The following PHKG2 variants were observed in gnomAD, a reference collection of about 807,000 sequenced individuals.
PHKG2 encodes phosphorylase kinase catalytic subunit gamma 2, also known as phosphorylase b kinase gamma catalytic chain, liver/testis isoform.
Under a neutral mutation model 44.5 loss-of-function variants are expected in PHKG2, and 28 were observed. The observed-to-expected ratio is 0.63, with a 90% CI of 0.47 to 0.86. The LOEUF is 0.86. PHKG2 is among the 40% of genes least tolerant of loss of function. The probability of loss-of-function intolerance (pLI) is 0.00; values close to 1 mark genes in which losing one functional copy is unlikely to be tolerated. For missense variants in PHKG2, 498 were observed against 547.5 expected, an observed-to-expected ratio of 0.91 and a Z score of 0.90; for synonymous variants, 220 against 211.2, an observed-to-expected ratio of 1.04 and a Z score of -0.36.
At chr16:30,752,965 C>G (rs2053371141) in intron 4 of PHKG2, 3 of 532,524 alleles carry the variant, frequency 5.6e-6, no homozygotes, top group South Asian at 2.1e-5. Flanking sequence ...TAGTTACTCT[C>G]AACAAGAACC....
In PHKG2 at chr16:30,756,528, G is replaced by C; in HGVS notation, c.801+8G>C. The C allele has an allele frequency of 6.2e-7, 1 of 1,612,760 alleles. No homozygotes were observed. Among genetic ancestry groups the C allele is most frequent in the African/African-American group, 1.3e-5 (1 of 75,016 alleles). On this transcript the variant is annotated splice_region_variant and intron_variant, in intron 8 of 9. Transcript: ENST00000563588. ...AGCACTGTCAAAGACCTGGTGAGCG[G>C]GGGCTGAGAGGACAGTAGGGGAGGC...
chr16:30,748,481 G>GC lies in PHKG2; in HGVS notation c.-23dup, dbSNP rs1317118951. On this transcript the variant is annotated 5_prime_UTR_variant, in exon 1 of 10. Coordinates refer to ENST00000563588, the MANE Select transcript of PHKG2 (RefSeq NM_000294.3). ...CGCGTCGACCCTGGCTCCTCTGCCTGCCCCCTCAGGTGAGCCTGCGCTAGA... is the reference window on the plus strand; with the variant it reads ...CGCGTCGACCCTGGCTCCTCTGCCTGCCCCCCTCAGGTGAGCCTGCGCTAGA... The GC allele has an allele frequency of 8.1e-6, 3 of 372,466 alleles. No homozygotes were observed. Among genetic ancestry groups the GC allele is most frequent in the Non-Finnish European group, 1.5e-5 (3 of 202,962 alleles). 23.1% of individuals were successfully genotyped at this position (372,466 alleles called of 1,614,324 possible).
At position 30,757,401 on chromosome 16, in the gene PHKG2, G is replaced by T. The variant is rs1020248195; in HGVS notation, c.*304G>T. The T allele has an allele frequency of 2.6e-5, 41 of 1,553,090 alleles. No individual in the cohort carries two copies. Among genetic ancestry groups the T allele is most frequent in the Non-Finnish European group, 3.5e-5 (40 of 1,149,624 alleles). The stretch of plus-strand genomic sequence containing the variant: ...GTGTCTGTCTGGCTTGGGCAGGAAA[G>T]CCCAGAAGGTGCTCAGCAGGGTGCA... On this transcript the variant is annotated 3_prime_UTR_variant, in exon 10 of 10. Transcript: ENST00000563588.
chr16:30,753,518 G>C lies in PHKG2; in HGVS notation c.517G>C (p.Gly173Arg), dbSNP rs779998350. The C allele has an allele frequency of 2.5e-6, 4 of 1,614,090 alleles. No homozygotes were observed. The highest frequency in any genetic ancestry group is 3.4e-6 in the Non-Finnish European group (4 of 1,180,020). The change falls in exon 6 of 10, where the codon GGG becomes CGG. Residue 173 changes from glycine (G) to arginine (R), a missense_variant. Physicochemically the swap from Gly to Arg is moderately radical, Grantham distance 125. Transcript: ENST00000563588. The part of the protein sequence containing the change: ...DNMQIRLSDF[G>R]FSCHLEPGEK... ...TATGCAGATCCGACTTTCAGATTTC[G>C]GGTTCTCCTGCCACTTGGAACCTGG...
chr16:30,761,066 C>T lies in PHKG2; in HGVS notation c.*3969C>T. ...AGAGGCTGGAAAGCCAACTTCCAGT[C>T]ACCTGGAGTAATTGCATCTCCAGGC... On this transcript the variant is annotated 3_prime_UTR_variant, in exon 10 of 10. Coordinates refer to ENST00000563588, the MANE Select transcript of PHKG2 (RefSeq NM_000294.3). 9.6e-7 allele frequency: 1 copy of T among 1,038,042 alleles called. No homozygotes were observed. The highest frequency in any genetic ancestry group is 1.6e-5 in the African/African-American group (1 of 62,426). 64.3% of individuals were successfully genotyped at this position (1,038,042 alleles called of 1,614,324 possible).
intron 6 of PHKG2, chr16:30,755,109 G>A: frequency 3.0e-6 from 1 of 334,288 alleles, no homozygotes; most frequent in South Asian, 2.3e-5. Flanking sequence ...AAGCGTGGTG[G>A]CACGCATCTG....
At chr16:30,751,028 T>G in intron 2 of PHKG2, 78 bp from the exon 3 acceptor site, 9 of 1,445,192 alleles carry the variant, frequency 6.2e-6, no homozygotes, top group African/African-American at 1.4e-5. Context: ...ACAGCGGGCA[T>G]GAGGATGCTG....
chr16:30,749,252 GTGGTGC>G (rs2053312377), intron 2 of PHKG2, among the ~76,000 whole-genome samples: 1 of 121,984 alleles, frequency 8.2e-6, no homozygotes, highest in African/African-American at 3.2e-5. Flanking sequence ...GCTGGTGCTG[GTGGTGC>G]TGGTGGTGGT....
In PHKG2 at chr16:30,759,395, C is replaced by T. The variant is rs1478852952; in HGVS notation, c.*2298C>T. On this transcript the variant is annotated 3_prime_UTR_variant, in exon 10 of 10. Transcript: ENST00000563588. ...TTGAAGTGGCGGAAGTAAGTGTTGACCACGTAGTCTTCCAAGGCCAGCAGC... is the reference window on the plus strand; with the variant it reads ...TTGAAGTGGCGGAAGTAAGTGTTGATCACGTAGTCTTCCAAGGCCAGCAGC... The T allele has an allele frequency of 1.9e-6, 3 of 1,614,214 alleles. No homozygotes were observed. Among genetic ancestry groups the T allele is most frequent in the Non-Finnish European group, 2.5e-6 (3 of 1,180,030 alleles).
chr16:30,755,676 C>CA (rs1233726156), intron 6 of PHKG2, among the ~76,000 whole-genome samples: 42 of 145,412 alleles, frequency 2.9e-4, no homozygotes, highest in East Asian at 2.8e-3. Flanking sequence ...ACTCCATCTC[C>CA]AAAAAAAAAA....
chr16:30,760,454 C>G lies in PHKG2; in HGVS notation c.*3357C>G. 1 of 1,613,984 alleles carries G rather than the reference C, an allele frequency of 6.2e-7. No individual in the cohort carries two copies. The highest frequency in any genetic ancestry group is 8.5e-7 in the Non-Finnish European group (1 of 1,179,926). On this transcript the variant is annotated 3_prime_UTR_variant, in exon 10 of 10. Coordinates refer to ENST00000563588, the MANE Select transcript of PHKG2 (RefSeq NM_000294.3). ...TAGCTCCAGCAGCTCAGCCAGCACC[C>G]TTGGGAGGGAGAGAGGAGTGAGTGA...
rs761535736 is a variant in PHKG2 at position 30,756,423 on chromosome 16, A to G, written c.704A>G (p.His235Arg). ...CTGGCTGGCTCGCCACCCTTCTGGC[A>G]CCGGCGGCAGATCCTGATGTTACGC... ...TLLAGSPPFW[H>R]RRQILMLRMI... The change falls in exon 8 of 10, where the codon CAC becomes CGC. Residue 235 changes from histidine to arginine, a missense_variant. His to Arg is a conservative substitution (Grantham distance 29). Transcript: ENST00000563588. 1 of 1,613,944 alleles carries G rather than the reference A, an allele frequency of 6.2e-7. No homozygotes were observed. Among genetic ancestry groups the G allele is most frequent in the Non-Finnish European group, 8.5e-7 (1 of 1,179,992 alleles).
Position 30,759,261 on chromosome 16 carries a change from C to T in PHKG2, c.*2164C>T. On this transcript the variant is annotated 3_prime_UTR_variant, in exon 10 of 10. Transcript: ENST00000563588. ...ATCCAGCCGCACCTGGGAAGCAAGG[C>T]AGAGGGAGGCTGAAAGGAGTGCACC... The T allele has an allele frequency of 6.2e-7, 1 of 1,613,998 alleles. No individual in the cohort carries two copies.
chr16:30,751,355 C>T (rs544078667), intron 3 of PHKG2, 74 bp downstream of exon 3: 34 of 1,511,574 alleles, frequency 2.2e-5, no homozygotes, highest in East Asian at 6.8e-5. Context: ...AGCCCACTTC[C>T]GCCAACATTG....
chr16:30,751,734 G>A lies in PHKG2; in HGVS notation c.326+131G>A, dbSNP rs1462587166. 4.8e-6 allele frequency: 4 copies of A among 841,364 alleles called. No homozygotes were observed. In the African/African-American group the frequency reaches 6.6e-5, roughly 14 times the overall value. The allele number at this position is 841,364 out of a possible 1,614,324, so 52.1% of individuals were successfully genotyped here. ...TTCCAGCTGGGGCTCTCTATCACCT[G>A]GGCCTGCCTGCTAGCGCATGGCTCT... On this transcript the variant is annotated intron_variant, in intron 4 of 9. Coordinates refer to ENST00000563588, the MANE Select transcript of PHKG2 (RefSeq NM_000294.3).
chr16:30,753,532 C>A lies in PHKG2; in HGVS notation c.531C>A (p.His177Gln). 6.2e-7 allele frequency: 1 copy of A among 1,614,130 alleles called. No individual in the cohort carries two copies. Among genetic ancestry groups the A allele is most frequent in the Non-Finnish European group, 8.5e-7 (1 of 1,180,026 alleles). Residue 177 changes from histidine to glutamine, a missense_variant, in exon 6 of 10, where the codon CAC (histidine) becomes CAA (glutamine). Physicochemically the swap from His to Gln is conservative, Grantham distance 24 (BLOSUM62 0). Coordinates refer to ENST00000563588, the MANE Select transcript of PHKG2 (RefSeq NM_000294.3). ...TTTCAGATTTCGGGTTCTCCTGCCA[C>A]TTGGAACCTGGCGAGAAGCTTCGAG... ...IRLSDFGFSC[H>Q]LEPGEKLREL...
intron 2 of PHKG2, among the ~76,000 whole-genome samples, chr16:30,749,172 C>G (rs878903282): frequency 0.093 from 1,329 of 14,228 alleles, 60 homozygotes; most frequent in Non-Finnish European, 0.15. Flanking sequence ...GGTGGTGGTG[C>G]TGGTGGTGGT....
rs568266490 is a variant in PHKG2, at chr16:30,749,965, A to AG, written c.95+1058dup. Among the ~76,000 whole-genome samples the AG allele has an allele frequency of 2.5e-3, 267 of 107,730 alleles. 1 individual carries two copies. The highest frequency in any genetic ancestry group is 3.6e-3 in the Non-Finnish European group (151 of 41,634). The allele number at this position is 107,730 out of a possible 152,430, so 70.7% of individuals were successfully genotyped here. ...GGTCTTGAGGTATGAGTAGGAGTTCAGGGGGGGGTCTTTAAAATCGCAAAA... is the reference window on the plus strand; with the variant it reads ...GGTCTTGAGGTATGAGTAGGAGTTCAGGGGGGGGGTCTTTAAAATCGCAAAA... On this transcript the variant is annotated intron_variant, in intron 2 of 9. Transcript: ENST00000563588.
In PHKG2 at chr16:30,748,829, G is replaced by A. The variant is rs780095616; in HGVS notation, c.9G>A (p.Leu3=). 3 of 1,551,696 alleles carry A rather than the reference G, an allele frequency of 1.9e-6. No homozygotes were observed. Among genetic ancestry groups the A allele is most frequent in the Non-Finnish European group, 2.6e-6 (3 of 1,147,062 alleles). The change falls in exon 2 of 10, where the codon CTG becomes CTA. Residue 3 remains leucine (L), a synonymous_variant. Transcript: ENST00000563588. ...CCCCCGCCTCCTTCAGGATGACGCT[G>A]GACGTGGGGCCGGAGGATGAGCTGC... MT[L]DVGPEDELPD...
Sources: allele counts gnomAD v4.1 joint callset (sites outside exome capture counted in the v4.1 genomes callset), GRCh38; gene constraint gnomAD v4.1.1; transcripts MANE v1.5; gene names NCBI Gene and HGNC (gene_info 2026-07-23, HGNC 2026-07-21).